CTNND2: variants seen among roughly 807,000 people sequenced by gnomAD.
The protein encoded by CTNND2 is catenin delta 2, also known as catenin delta-2.
A neutral mutation model predicts 144.4 loss-of-function variants in CTNND2; 22 were observed. The observed-to-expected ratio is 0.15, with a 90% CI of 0.11 to 0.22. The LOEUF is 0.22. Ranked by LOEUF, CTNND2 falls within the 10% of genes least tolerant of loss-of-function variation. The pLI, the probability that CTNND2 is intolerant of heterozygous loss-of-function variation, is 1.00. For synonymous variants in CTNND2, 751 were observed against 695.6 expected (o/e 1.08, Z -1.25); for missense variants, 1,353 against 1,618.8 (o/e 0.84, Z 2.82).
At chr5:11,831,800 A>G (rs1397051858) in intron 1 of CTNND2, among the ~76,000 whole-genome samples, 3 of 152,172 alleles carry the variant, frequency 2.0e-5, no homozygotes, top group Admixed American at 6.5e-5. Context: ...ACAACTGGAC[A>G]TATTTTTGTA....
chr5:11,435,124 T>TATTC, intron 3 of CTNND2, among the ~76,000 whole-genome samples: 1 of 143,616 alleles, frequency 7.0e-6, no homozygotes, highest in African/African-American at 2.9e-5. Context: ...ACTATTTATT[T>TATTC]ATTTATTTAT....
chr5:11,105,178 A>C (rs1752304971), intron 14 of CTNND2, among the ~76,000 whole-genome samples: 1 of 152,242 alleles, frequency 6.6e-6, no homozygotes, highest in Non-Finnish European at 1.5e-5. Context: ...TTTGCCATCC[A>C]CATCTAGGGA....
chr5:11,785,173 T>C (rs1790761958), intron 1 of CTNND2, among the ~76,000 whole-genome samples: 1 of 152,258 alleles, frequency 6.6e-6, no homozygotes, highest in South Asian at 2.1e-4. Flanking sequence ...TTATTGTGTA[T>C]ATTGGTAATT....
At chr5:11,239,356 A>C (rs1741975333) in intron 9 of CTNND2, among the ~76,000 whole-genome samples, 1 of 152,208 alleles carries the variant, frequency 6.6e-6, no homozygotes, top group Non-Finnish European at 1.5e-5. Flanking sequence ...GAAGGGATCC[A>C]CGTCCCTCAC....
At chr5:11,777,467 C>T (rs1419635032) in intron 1 of CTNND2, among the ~76,000 whole-genome samples, 1 of 152,206 alleles carries the variant, frequency 6.6e-6, no homozygotes, top group Admixed American at 6.5e-5. Context: ...ATCTGCTTAA[C>T]TTCAGTTAAT....
At chr5:11,700,442 G>A (rs930370973) in intron 2 of CTNND2, among the ~76,000 whole-genome samples, 1 of 152,132 alleles carries the variant, frequency 6.6e-6, no homozygotes, top group Non-Finnish European at 1.5e-5. Flanking sequence ...TTGAAGGTGA[G>A]TGTTCCGACC....
rs1789178848 is a variant in CTNND2, at chr5:11,760,182, G to T, written c.38-27910C>A. 2.0e-5 allele frequency among the ~76,000 whole-genome samples: 3 copies of T among 152,022 alleles called. No homozygotes were observed. In the South Asian group the frequency reaches 6.2e-4, roughly 32 times the overall value. ...ATGAAGAAGGAAGGTTTCTAAGTAG[G>T]AAAGTCTTCAGAGGGCTTGCTTTGG... On this transcript the variant is annotated intron_variant, in intron 1 of 21. Coordinates refer to ENST00000304623, the MANE Select transcript of CTNND2 (RefSeq NM_001332.4).
At chr5:11,031,346 G>A (rs1743455061) in intron 16 of CTNND2, among the ~76,000 whole-genome samples, 1 of 152,094 alleles carries the variant, frequency 6.6e-6, no homozygotes, top group South Asian at 2.1e-4. Context: ...TCTGCCAGCT[G>A]CAAGTAAGCT....
chr5:11,342,377 G>C (rs943534980), intron 9 of CTNND2, among the ~76,000 whole-genome samples: 10 of 152,188 alleles, frequency 6.6e-5, no homozygotes, highest in Non-Finnish European at 1.2e-4. Flanking sequence ...GAGTGAGTTT[G>C]ATAGAGCCGA....
intron 1 of CTNND2, among the ~76,000 whole-genome samples, chr5:11,753,274 C>T (rs1001511985): frequency 2.0e-5 from 3 of 151,792 alleles, no homozygotes; most frequent in African/African-American, 7.3e-5. Context: ...GGAATGCTTC[C>T]AGCTTTTACC....
chr5:11,546,421 T>C lies in CTNND2; in HGVS notation c.287+18523A>G, dbSNP rs955157596. Among the ~76,000 whole-genome samples, 14 of 152,042 alleles carry C rather than the reference T, an allele frequency of 9.2e-5. No individual in the cohort carries two copies. In the South Asian group the frequency reaches 1.0e-3, roughly 11 times the overall value. ...CAAAAAGACAAAACAAAACAAAAAT[T>C]GTAAGATTTTTAGAAGAAGACACAA... On this transcript the variant is annotated intron_variant, in intron 3 of 21. Coordinates refer to ENST00000304623, the MANE Select transcript of CTNND2 (RefSeq NM_001332.4).
intron 11 of CTNND2, among the ~76,000 whole-genome samples, chr5:11,174,859 G>C (rs1760310656): frequency 6.6e-6 from 1 of 152,152 alleles, no homozygotes; most frequent in South Asian, 2.1e-4. Context: ...AAACAATTTA[G>C]AAAAAGTGAC....
At chr5:11,710,535 A>G (rs990263223) in intron 2 of CTNND2, among the ~76,000 whole-genome samples, 3 of 144,606 alleles carry the variant, frequency 2.1e-5, no homozygotes, top group Non-Finnish European at 4.5e-5. Flanking sequence ...GCGAGACTCC[A>G]TCTCAAAAAA....
intron 11 of CTNND2, among the ~76,000 whole-genome samples, chr5:11,190,894 G>A (rs1432470036): frequency 2.6e-5 from 4 of 152,182 alleles, no homozygotes; most frequent in Non-Finnish European, 2.9e-5. Context: ...CACGAACAAC[G>A]GAAAAGTAGA....
chr5:11,452,359 T>C (rs1765378516), intron 3 of CTNND2, among the ~76,000 whole-genome samples: 1 of 152,090 alleles, frequency 6.6e-6, no homozygotes, highest in Non-Finnish European at 1.5e-5. Context: ...CTATGGAAAA[T>C]ATACCCCAAA....
intron 8 of CTNND2, among the ~76,000 whole-genome samples, chr5:11,357,220 T>C (rs1162810677): frequency 6.6e-6 from 1 of 152,136 alleles, no homozygotes; most frequent in African/African-American, 2.4e-5. Flanking sequence ...AAGAGATACC[T>C]GTACACTCAC....
chr5:11,120,488 ATGCTGTCCGCAGGGG>A (rs1753995639), intron 12 of CTNND2, among the ~76,000 whole-genome samples: 2 of 149,786 alleles, frequency 1.3e-5, no homozygotes, highest in African/African-American at 4.9e-5. Flanking sequence ...GGGGGTTATC[ATGCTGTCCGCAGGGG>A]TAATGAGGCT....
intron 8 of CTNND2, among the ~76,000 whole-genome samples, chr5:11,364,088 G>GT (rs1328046558): frequency 6.6e-6 from 1 of 152,140 alleles, no homozygotes; most frequent in Non-Finnish European, 1.5e-5. Flanking sequence ...AAACACTTGC[G>GT]TTTTGTCGTG....
intron 1 of CTNND2, among the ~76,000 whole-genome samples, chr5:11,770,584 A>C (rs1789877056): frequency 6.6e-6 from 1 of 152,124 alleles, no homozygotes; most frequent in Non-Finnish European, 1.5e-5. Flanking sequence ...CACAAAAAAC[A>C]GAGTAGGCTG....
Sources: gnomAD v4.1 joint callset for allele counts (sites outside exome capture counted in the v4.1 genomes callset) on GRCh38, gnomAD v4.1.1 for gene constraint, MANE v1.5 for transcripts, NCBI Gene and HGNC (gene_info 2026-07-23, HGNC 2026-07-21) for gene names.